SIGLEC1: variants seen among roughly 807,000 people sequenced by gnomAD.
SIGLEC1 encodes the protein sialoadhesin.
SIGLEC1 carries 132 observed loss-of-function variants against 148.0 expected under a neutral mutation model. The ratio of observed to expected loss-of-function variants is 0.89; its 90% CI spans 0.77 to 1.03. The LOEUF (loss-of-function observed/expected upper bound fraction) is 1.03. Ranked by LOEUF, SIGLEC1 falls within the 50% of genes least tolerant of loss-of-function variation. The pLI is 0.00. For missense variants in SIGLEC1, 2,253 were observed against 2,271.4 expected, an observed-to-expected ratio of 0.99 and a Z score of 0.16; for synonymous variants, 945 against 969.0, an observed-to-expected ratio of 0.98 and a Z score of 0.46.
At chr20:3,693,365 C>G in intron 14 of SIGLEC1, 82 bp downstream of exon 14, 1 of 1,455,124 alleles carries the variant, frequency 6.9e-7, no homozygotes, top group Non-Finnish European at 9.2e-7. Context: ...CCACTGGACA[C>G]CTGTCGGGTT....
intron 21 of SIGLEC1, 60 bp from the exon 22 acceptor site, chr20:3,688,679 GC>G: frequency 7.3e-7 from 1 of 1,371,750 alleles, no homozygotes; most frequent in Non-Finnish European, 9.9e-7. Flanking sequence ...AGGCCCCCAG[GC>G]CCCCAGCCTC....
intron 2 of SIGLEC1, among the ~76,000 whole-genome samples, 169 bp downstream of exon 2, chr20:3,706,911 G>T (rs1186670400): frequency 6.6e-6 from 1 of 152,196 alleles, no homozygotes; most frequent in Non-Finnish European, 1.5e-5. Context: ...TTGGTAGGGT[G>T]GCTCGAAGAC....
In SIGLEC1 at chr20:3,703,340, T is replaced by C; in HGVS notation, c.1085A>G (p.Lys362Arg). The change falls in exon 6 of 22, where the codon AAG becomes AGG. Residue 362 changes from lysine to arginine, a missense_variant. By Grantham distance (26) the Lys-to-Arg change is conservative. Transcript: ENST00000344754. ...GGCATCCTCCAGCAGGACATGGTTCTTGTACCAGCTGTAGCGGAGATCACT... is the reference window on the plus strand; with the variant it reads ...GGCATCCTCCAGCAGGACATGGTTCCTGTACCAGCTGTAGCGGAGATCACT... ...APSDLRYSWY[K>R]NHVLLEDAHS... is the part of the protein sequence containing the mutation. The C allele has an allele frequency of 6.2e-7, 1 of 1,614,138 alleles. No individual in the cohort carries two copies.
rs1276489071 is a variant in SIGLEC1, at chr20:3,693,492, CA to C, written c.3462del (p.Gly1155ValfsTer23). On this transcript the variant is annotated frameshift_variant, in exon 14 of 22. Transcript: ENST00000344754. LOFTEE classifies it high-confidence loss of function. ...GGTCTGGAGAGGCGGGGTGCCCGAC[CA>C]GGGGGGCCCACACCGCAGCGGTAGG... ...ATSYRCGVGP[P>X]GRAPRLSRPI... 1.9e-6 allele frequency: 3 copies of C among 1,605,658 alleles called. No individual in the cohort carries two copies. Among genetic ancestry groups the C allele is most frequent in the African/African-American group, 1.3e-5 (1 of 74,880 alleles).
chr20:3,697,064 C>T, intron 10 of SIGLEC1, 21 bp downstream of exon 10: 1 of 1,603,240 alleles, frequency 6.2e-7, no homozygotes. Flanking sequence ...AGTCCCCAGG[C>T]TGCCCATGCC....
chr20:3,689,925 G>GAGCTCC, intron 19 of SIGLEC1, 37 bp downstream of exon 19: 1 of 1,555,988 alleles, frequency 6.4e-7, no homozygotes, highest in Non-Finnish European at 8.8e-7. Flanking sequence ...GGGCTTTTGT[G>GAGCTCC]CAGAGTGGCC....
At position 3,691,943 on chromosome 20, in the gene SIGLEC1, C is replaced by T. The variant is rs199722301; in HGVS notation, c.4290G>A (p.Leu1430=). The T allele has an allele frequency of 6.3e-7, 1 of 1,597,320 alleles. No individual in the cohort carries two copies. Among genetic ancestry groups the T allele is most frequent in the Non-Finnish European group, 8.6e-7 (1 of 1,167,554 alleles). The change falls in exon 17 of 22, where the codon TTG becomes TTA. Residue 1430 remains leucine, a synonymous_variant. Coordinates refer to ENST00000344754, the MANE Select transcript of SIGLEC1 (RefSeq NM_023068.4). ...GCCCGATGGTGCTGATTGAGCCCAGCAAGTTTTGGGCTGTGCAAACATAGG... is the reference window on the plus strand; with the variant it reads ...GCCCGATGGTGCTGATTGAGCCCAGTAAGTTTTGGGCTGTGCAAACATAGG... ...DDTYVCTAQN[L]LGSISTIGRL...
rs778793599 is a variant in SIGLEC1, at chr20:3,701,351, G to T, written c.1519C>A (p.His507Asn). 3.7e-6 allele frequency: 6 copies of T among 1,608,092 alleles called. No homozygotes were observed. In the East Asian group the frequency reaches 1.1e-4, roughly 30 times the overall value. The part of the protein sequence containing the change: ...LGNATSTLDF[H>N]ANAARLLISP... ...CCAGTGCCCATCTTACCATTGGCAT[G>T]GAAGTCCAGGGTGGAGGTTGCATTT... The change falls in exon 7 of 22, where the codon CAT (histidine) becomes AAT (asparagine). Residue 507 changes from histidine to asparagine, a missense_variant. By Grantham distance (68) the His-to-Asn change is moderately conservative. Coordinates refer to ENST00000344754, the MANE Select transcript of SIGLEC1 (RefSeq NM_023068.4).
intron 7 of SIGLEC1, among the ~76,000 whole-genome samples, chr20:3,700,105 GCT>G (rs1491407435): frequency 1.1e-5 from 1 of 91,922 alleles, no homozygotes; most frequent in East Asian, 4.6e-4. Context: ...ACTGTGGCCA[GCT>G]TTTTTTTTTT....
chr20:3,688,996 G>A (rs2088726984), intron 21 of SIGLEC1, 159 bp downstream of exon 21: 1 of 703,820 alleles, frequency 1.4e-6, no homozygotes, highest in East Asian at 2.5e-5. Context: ...GCAGAACAGG[G>A]CTCTCCTATC....
intron 6 of SIGLEC1, among the ~76,000 whole-genome samples, chr20:3,702,569 C>T (rs1417148641): frequency 4.1e-5 from 6 of 147,044 alleles, no homozygotes; most frequent in African/African-American, 1.3e-4. Context: ...GCCTGGGCAA[C>T]ACAGTGAGAC....
Position 3,712,512 on chromosome 20 carries a change from G to A in SIGLEC1, c.-152C>T, listed in dbSNP as rs867796582. ...GTGGCTGCGGCGGTGCTGGACCTGCGGAGAGGAGAACAGGAAGGACGGCCA... is the reference window on the plus strand; with the variant it reads ...GTGGCTGCGGCGGTGCTGGACCTGCAGAGAGGAGAACAGGAAGGACGGCCA... On this transcript the variant is annotated 5_prime_UTR_variant, in exon 1 of 22. Coordinates refer to ENST00000344754, the MANE Select transcript of SIGLEC1 (RefSeq NM_023068.4). 1.0e-3 allele frequency among the ~76,000 whole-genome samples: 159 copies of A among 152,184 alleles called. 1 individual carries two copies. Among genetic ancestry groups the A allele is most frequent in the African/African-American group, 3.6e-3 (150 of 41,534 alleles).
chr20:3,702,872 CGTGT>C (rs1461088245), intron 6 of SIGLEC1, among the ~76,000 whole-genome samples: 3 of 152,000 alleles, frequency 2.0e-5, no homozygotes, highest in South Asian at 2.1e-4. Flanking sequence ...TATGTATGTG[CGTGT>C]GTGTGTCTGT....
rs568967866 is a variant in SIGLEC1, at chr20:3,697,727, T to A, written c.2122+71A>T. 25 of 1,445,898 alleles carry A rather than the reference T, an allele frequency of 1.7e-5. No individual in the cohort carries two copies. In the East Asian group the frequency reaches 5.3e-4, roughly 31 times the overall value. 89.6% of individuals were successfully genotyped at this position (1,445,898 alleles called of 1,614,324 possible). On this transcript the variant is annotated intron_variant, in intron 9 of 21. Transcript: ENST00000344754. ...CACAGAGTGGTTTTGCCTGATTAGA[T>A]CCTCCTCGGAGCAGAACAGTCCAGA...
chr20:3,690,103 G>A lies in SIGLEC1; in HGVS notation c.4753C>T (p.Pro1585Ser), dbSNP rs1366691133. 1 of 1,611,218 alleles carries A rather than the reference G, an allele frequency of 6.2e-7. No individual in the cohort carries two copies. Among genetic ancestry groups the A allele is most frequent in the African/African-American group, 1.3e-5 (1 of 74,882 alleles). ...SSQPQGAPAE[P>S]HIHVLASPNA... ...GGGGAAGCCAGGACATGGATGTGTG[G>A]CTCTGCAGGAGCACCCTGGGGCTGA... is the stretch of plus-strand genomic sequence containing the variant. The change falls in exon 19 of 22, where the codon CCA becomes TCA. Residue 1585 changes from proline to serine, a missense_variant. By Grantham distance (74) the Pro-to-Ser change is moderately conservative. Coordinates refer to ENST00000344754, the MANE Select transcript of SIGLEC1 (RefSeq NM_023068.4).
At chr20:3,689,852 C>G (rs940636245) in intron 19 of SIGLEC1, 110 bp downstream of exon 19, 1 of 1,189,886 alleles carries the variant, frequency 8.4e-7, no homozygotes, top group African/African-American at 1.5e-5. Context: ...AGTTTAGAGT[C>G]GACAGGCAAA....
chr20:3,692,126 C>A lies in SIGLEC1; in HGVS notation c.4107G>T (p.Val1369=). 6.2e-7 allele frequency: 1 copy of A among 1,604,302 alleles called. No homozygotes were observed. Among genetic ancestry groups the A allele is most frequent in the Non-Finnish European group, 8.5e-7 (1 of 1,177,008 alleles). Residue 1369 remains valine, a synonymous_variant, in exon 17 of 22, where the codon GTG becomes GTT. Coordinates refer to ENST00000344754, the MANE Select transcript of SIGLEC1 (RefSeq NM_023068.4). ...ARSMAVIQCT[V]DSEPPAELAL... ...CCAGCTCAGCAGGTGGCTCACTGTC[C>A]ACAGTGCACTGTATCACAGCCATGG...
chr20:3,694,554 C>A (rs761435059), intron 12 of SIGLEC1, 22 bp from the exon 13 acceptor site: 3 of 1,556,948 alleles, frequency 1.9e-6, no homozygotes, highest in South Asian at 2.5e-5. Context: ...GGGGAGTGGT[C>A]AGGACCCAGC....
intron 18 of SIGLEC1, among the ~76,000 whole-genome samples, chr20:3,690,883 T>A (rs985296839): frequency 1.1e-4 from 17 of 148,348 alleles, no homozygotes; most frequent in African/African-American, 4.3e-4. Context: ...CAGGCTGGAG[T>A]GCGTTGTGGT....
Sources: gnomAD v4.1 joint callset for allele counts (sites outside exome capture counted in the v4.1 genomes callset) on GRCh38, gnomAD v4.1.1 for gene constraint, MANE v1.5 for transcripts, NCBI Gene and HGNC (gene_info 2026-07-23, HGNC 2026-07-21) for gene names.